The following PTPRM variants were observed in gnomAD, a reference collection of about 807,000 sequenced individuals.
PTPRM encodes receptor-type tyrosine-protein phosphatase mu.
In PTPRM, 47 loss-of-function variants were observed where a neutral mutation model predicts 186.7. The observed-to-expected ratio is 0.25, with a 90% confidence interval of 0.20 to 0.32. The LOEUF is 0.32. PTPRM is among the 10% of genes least tolerant of loss of function. PTPRM has a pLI of 1.00. For synonymous variants in PTPRM, 668 were observed against 674.9 expected (o/e 0.99, Z 0.16); for missense variants, 1,494 against 1,865.0 (o/e 0.80, Z 3.66).
At chr18:7,915,994 C>G (rs559391846) in intron 4 of PTPRM, among the ~76,000 whole-genome samples, 72 of 152,116 alleles carry the variant, frequency 4.7e-4, no homozygotes, top group Non-Finnish European at 9.0e-4. Flanking sequence ...AGTGAAATAA[C>G]TTAGAAACAG....
At chr18:8,072,227 A>C (rs541375376) in intron 8 of PTPRM, among the ~76,000 whole-genome samples, 88 of 152,310 alleles carry the variant, frequency 5.8e-4, no homozygotes, top group African/African-American at 2.0e-3. Context: ...AATAAACAAT[A>C]ATGGTTACAT....
chr18:8,200,231 A>G (rs1365357737), intron 14 of PTPRM, among the ~76,000 whole-genome samples: 1 of 152,140 alleles, frequency 6.6e-6, no homozygotes, highest in Non-Finnish European at 1.5e-5. Flanking sequence ...GGCAGACATC[A>G]TTGCCGTGGT....
intron 1 of PTPRM, among the ~76,000 whole-genome samples, chr18:7,661,217 C>T (rs2038973700): frequency 6.6e-6 from 1 of 152,146 alleles, no homozygotes; most frequent in Admixed American, 6.5e-5. Flanking sequence ...ATTGGTCTTT[C>T]TAACACTCAG....
At chr18:7,830,836 A>T (rs942318915) in intron 2 of PTPRM, among the ~76,000 whole-genome samples, 2 of 152,072 alleles carry the variant, frequency 1.3e-5, no homozygotes, top group Non-Finnish European at 2.9e-5. Context: ...TGCACTTGTT[A>T]TTTACCTGGT....
intron 2 of PTPRM, among the ~76,000 whole-genome samples, chr18:7,852,697 A>AG (rs1397608643): frequency 2.0e-5 from 3 of 151,990 alleles, no homozygotes; most frequent in African/African-American, 7.3e-5. Flanking sequence ...AAATAAAAAA[A>AG]AGAAAAGAAA....
chr18:7,607,904 G>A (rs1267863370), intron 1 of PTPRM, among the ~76,000 whole-genome samples: 1 of 152,222 alleles, frequency 6.6e-6, no homozygotes, highest in Non-Finnish European at 1.5e-5. Flanking sequence ...AGGGGGTGAA[G>A]AGAGTGGAGT....
At chr18:8,315,878 T>G (rs116318259) in intron 21 of PTPRM, among the ~76,000 whole-genome samples, 1,953 of 152,316 alleles carry the variant, frequency 0.013, 32 homozygotes, top group African/African-American at 0.044. Context: ...ATTTCAAGAA[T>G]AGTTCATCTC....
At chr18:7,885,535 G>A (rs888583110) in intron 2 of PTPRM, among the ~76,000 whole-genome samples, 4 of 152,224 alleles carry the variant, frequency 2.6e-5, no homozygotes, top group Admixed American at 6.5e-5. Context: ...GCAAAAAATT[G>A]CACATAAACC....
Position 7,871,937 on chromosome 18 carries a change from G to A in PTPRM, c.197-16169G>A, listed in dbSNP as rs548571641. ...TTTGCTGTTTCTTTTTAGAATAATT[G>A]TGTAAATGATAAAGAAGAAAAAATT... On this transcript the variant is annotated intron_variant, in intron 2 of 32. Coordinates refer to ENST00000580170, the MANE Select transcript of PTPRM (RefSeq NM_001105244.2). Among the ~76,000 whole-genome samples, 140 of 152,280 alleles carry A rather than the reference G, an allele frequency of 9.2e-4. 3 individuals carry two copies. The South Asian group carries it at 0.024, about 26-fold the overall frequency.
intron 1 of PTPRM, among the ~76,000 whole-genome samples, chr18:7,762,161 A>G (rs903269093): frequency 6.6e-6 from 1 of 152,164 alleles, no homozygotes; most frequent in Non-Finnish European, 1.5e-5. Flanking sequence ...GCCCTGCAGT[A>G]TGATAAGGAC....
At chr18:7,639,102 A>G (rs1285435507) in intron 1 of PTPRM, among the ~76,000 whole-genome samples, 1 of 152,062 alleles carries the variant, frequency 6.6e-6, no homozygotes, top group Non-Finnish European at 1.5e-5. Context: ...GACTTGTACT[A>G]ATTGCTCTGT....
intron 2 of PTPRM, among the ~76,000 whole-genome samples, chr18:7,795,678 C>T (rs2043592638): frequency 6.6e-6 from 1 of 152,028 alleles, no homozygotes. Context: ...TTGGCAAAAT[C>T]TATGAAACCA....
At chr18:8,153,050 A>G (rs556221431) in intron 14 of PTPRM, among the ~76,000 whole-genome samples, 4 of 152,106 alleles carry the variant, frequency 2.6e-5, no homozygotes, top group Admixed American at 2.6e-4. Context: ...CCCCACCTCA[A>G]TGTGTATGTA....
Position 7,843,295 on chromosome 18 carries a change from A to T in PTPRM, c.197-44811A>T, listed in dbSNP as rs534020162. Among the ~76,000 whole-genome samples the T allele has an allele frequency of 1.3e-5, 2 of 152,144 alleles. 1 individual carries two copies. The highest frequency in any genetic ancestry group is 4.1e-4 in the South Asian group (2 of 4,820). Reference sequence around the variant, plus strand: ...CATTCAACTGGCCCTGTCTCTCCTGAGAGTCTCCATTGTTAAGCAGCTGGC... The same window carrying T: ...CATTCAACTGGCCCTGTCTCTCCTGTGAGTCTCCATTGTTAAGCAGCTGGC... On this transcript the variant is annotated intron_variant, in intron 2 of 32. Transcript: ENST00000580170.
At chr18:8,049,742 T>C (rs990869045) in intron 7 of PTPRM, among the ~76,000 whole-genome samples, 2 of 151,604 alleles carry the variant, frequency 1.3e-5, no homozygotes, top group Non-Finnish European at 2.9e-5. Flanking sequence ...GATGAAATCT[T>C]GCACTGTCGC....
chr18:7,959,550 G>A (rs111248759), intron 7 of PTPRM, among the ~76,000 whole-genome samples: 14 of 152,250 alleles, frequency 9.2e-5, no homozygotes, highest in African/African-American at 3.4e-4. Flanking sequence ...TCATTACCTG[G>A]TTGGATTTCT....
At chr18:7,742,271 T>A (rs572184499) in intron 1 of PTPRM, among the ~76,000 whole-genome samples, 2 of 152,218 alleles carry the variant, frequency 1.3e-5, no homozygotes, top group Non-Finnish European at 2.9e-5. Context: ...CTAATAACTT[T>A]AAAAAGTAGT....
intron 22 of PTPRM, among the ~76,000 whole-genome samples, chr18:8,320,244 A>C (rs1488837526): frequency 6.6e-6 from 1 of 152,218 alleles, no homozygotes; most frequent in Non-Finnish European, 1.5e-5. Context: ...CAAGGGAATC[A>C]ACGATGCCAA....
rs534563622 is a variant in PTPRM at position 7,805,453 on chromosome 18, T to G, written c.196+31182T>G. Among the ~76,000 whole-genome samples the G allele has an allele frequency of 2.0e-5, 3 of 152,322 alleles. No homozygotes were observed. In the South Asian group the frequency reaches 6.2e-4, roughly 32 times the overall value. ...GCTTCTGTTTATGAGCTCTTTCACT[T>G]CCATCTTGGTACAACTGAGATAAAA... On this transcript the variant is annotated intron_variant, in intron 2 of 32. Coordinates refer to ENST00000580170, the MANE Select transcript of PTPRM (RefSeq NM_001105244.2).
Sources: gnomAD v4.1 joint callset for allele counts (sites outside exome capture counted in the v4.1 genomes callset) on GRCh38, gnomAD v4.1.1 for gene constraint, MANE v1.5 for transcripts, NCBI Gene and HGNC (gene_info 2026-07-23, HGNC 2026-07-21) for gene names.